Variants in NEU1 observed in about 807,000 individuals in gnomAD.
The protein encoded by NEU1 is sialidase-1.
A neutral mutation model predicts 38.3 loss-of-function variants in NEU1; 32 were observed. That is an observed-to-expected ratio of 0.84 (90% CI 0.63 to 1.12). NEU1 has a LOEUF of 1.12. Ranked by LOEUF, NEU1 falls within the 50% of genes most tolerant of loss-of-function variation. NEU1 has a pLI of 0.00. For synonymous variants in NEU1, 192 were observed against 225.2 expected, an observed-to-expected ratio of 0.85 and a Z score of 1.32; for missense variants, 431 against 549.2, an observed-to-expected ratio of 0.78 and a Z score of 2.15.
rs775689803 is a variant in NEU1, at chr6:31,860,240, C to T, written c.823G>A (p.Val275Ile). The T allele has an allele frequency of 1.1e-5, 18 of 1,612,910 alleles. No individual in the cohort carries two copies. The highest frequency in any genetic ancestry group is 1.5e-5 in the Non-Finnish European group (18 of 1,180,022). ...TTCTGGTTTCGGGCATTGATGACGA[C>T]TGAGCCATCTGGGAGCTCATAGGGC... ...CQPYELPDGS[V>I]VINARNQNNY... The change falls in exon 5 of 6, where the codon GTC becomes ATC. Residue 275 changes from valine to isoleucine, a missense_variant. Physicochemically the swap from Val to Ile is conservative, Grantham distance 29. Coordinates refer to ENST00000375631, the MANE Select transcript of NEU1 (RefSeq NM_000434.4). This position sits in a 1 kb window ranked among gnomAD's most constrained non-coding sequence, Gnocchi z 4.8.
intron 3 of NEU1, 134 bp downstream of exon 3, chr6:31,861,054 G>T: frequency 7.8e-7 from 1 of 1,275,548 alleles, no homozygotes; most frequent in Non-Finnish European, 1.1e-6. Context: ...AGGATGCCCT[G>T]TCTTTCAAGG....
In NEU1 at chr6:31,860,704, G is replaced by A; in HGVS notation, c.616-83C>T. ...ACAGAGAACCCACCACTTCCCAAATGCAATCACATGTATGGTCCCCTTGAG... is the reference window on the plus strand; with the variant it reads ...ACAGAGAACCCACCACTTCCCAAATACAATCACATGTATGGTCCCCTTGAG... On this transcript the variant is annotated intron_variant, in intron 3 of 5. Coordinates refer to ENST00000375631, the MANE Select transcript of NEU1 (RefSeq NM_000434.4). The surrounding 1 kb of genome is among the most constrained non-coding windows in gnomAD (Gnocchi z 4.8). 1 of 1,469,234 alleles carries A rather than the reference G, an allele frequency of 6.8e-7. No individual in the cohort carries two copies. The highest frequency in any genetic ancestry group is 9.5e-7 in the Non-Finnish European group (1 of 1,052,528). The allele number at this position is 1,469,234 out of a possible 1,614,324, so 91.0% of individuals were successfully genotyped here. A position where few individuals can be genotyped will look rare whatever the true frequency, so the allele number is the denominator to read the frequency against.
rs1762443531 is a variant in NEU1, at chr6:31,860,079, G to T, written c.984C>A (p.Gly328=). Residue 328 remains glycine (G), a synonymous_variant, in exon 5 of 6, where the codon GGC becomes GGA. Coordinates refer to ENST00000375631, the MANE Select transcript of NEU1 (RefSeq NM_000434.4). This position sits in a 1 kb window ranked among gnomAD's most constrained non-coding sequence, Gnocchi z 4.8. The stretch of plus-strand genomic sequence containing the variant: ...GTGCTGGGTTGGAGAAGAAGACAAT[G>T]CCGGAGCTGGTGACTACAGCTCCTG... ...VAAGAVVTSS[G]IVFFSNPAHP... is the part of the protein sequence containing the mutation. The T allele has an allele frequency of 6.2e-7, 1 of 1,612,902 alleles. No individual in the cohort carries two copies. Among genetic ancestry groups the T allele is most frequent in the African/African-American group, 1.3e-5 (1 of 74,920 alleles).
Position 31,862,136 on chromosome 6 carries a change from C to T in NEU1, c.215G>A (p.Gly72Asp). 6.2e-7 allele frequency: 1 copy of T among 1,613,102 alleles called. No individual in the cohort carries two copies. Among genetic ancestry groups the T allele is most frequent in the Non-Finnish European group, 8.5e-7 (1 of 1,180,050 alleles). The change falls in exon 2 of 6, where the codon GGC (glycine) becomes GAC (aspartate). Residue 72 changes from glycine to aspartate, a missense_variant. Transcript: ENST00000375631. This position sits in a 1 kb window ranked among gnomAD's most constrained non-coding sequence, Gnocchi z 6.3. The part of the protein sequence containing the change: ...QLLWVSGRQI[G>D]SVDTFRIPLI... ...CGGGATGCGGAAGGTGTCCACTGAG[C>T]CGATCTGTCTCCCGCTCACCCACAG...
rs1413401926 is a variant in NEU1 at position 31,862,593 on chromosome 6, T to C, written c.159+25A>G. ...GTCGATCACCTGCGCGGGTCGGGGA[T>C]GGGGCTATGCAAAGGGTGACTCACC... On this transcript the variant is annotated intron_variant, in intron 1 of 5. Coordinates refer to ENST00000375631, the MANE Select transcript of NEU1 (RefSeq NM_000434.4). This position sits in a 1 kb window ranked among gnomAD's most constrained non-coding sequence, Gnocchi z 6.3. 1 of 1,613,022 alleles carries C rather than the reference T, an allele frequency of 6.2e-7. No individual in the cohort carries two copies. Among genetic ancestry groups the C allele is most frequent in the East Asian group, 2.2e-5 (1 of 44,874 alleles).
At position 31,862,226 on chromosome 6, in the gene NEU1, A is replaced by T; in HGVS notation, c.160-35T>A. 1 of 1,607,924 alleles carries T rather than the reference A, an allele frequency of 6.2e-7. No individual in the cohort carries two copies. The highest frequency in any genetic ancestry group is 8.5e-7 in the Non-Finnish European group (1 of 1,177,012). The stretch of plus-strand genomic sequence containing the variant: ...GAGGAGGAAGGGTCAACAAAGACAA[A>T]CTTGTCTTGGGGGTTTTAGGAACCC... On this transcript the variant is annotated intron_variant, in intron 1 of 5. Transcript: ENST00000375631. This position sits in a 1 kb window ranked among gnomAD's most constrained non-coding sequence, Gnocchi z 6.3.
Position 31,859,920 on chromosome 6 carries a change from G to C in NEU1, c.1047C>G (p.Ser349Arg), listed in dbSNP as rs1215900276. 5.0e-6 allele frequency: 8 copies of C among 1,612,910 alleles called. No individual in the cohort carries two copies. Among genetic ancestry groups the C allele is most frequent in the African/African-American group, 1.3e-5 (1 of 74,922 alleles). Reference protein sequence around the residue: ...EFRVNLTLRWSFSNGTSWRKE... With the variant: ...EFRVNLTLRWRFSNGTSWRKE... ...TCCGCCATGAGGTACCATTGCTGAA[G>C]CTCCATCGCAGGGTCAGGTTCACTC... The change falls in exon 6 of 6, where the codon AGC becomes AGG. Residue 349 changes from serine to arginine, a missense_variant. Ser to Arg is a moderately radical substitution (Grantham distance 110). Transcript: ENST00000375631.
Position 31,859,577 on chromosome 6 carries a change from T to G in NEU1, c.*142A>C. ...GTCCTAAAGGAAGTGATTTCCCTGG[T>G]AAAGGGAAGGTGATTTTGCCAAGGC... On this transcript the variant is annotated 3_prime_UTR_variant, in exon 6 of 6. Transcript: ENST00000375631. The G allele has an allele frequency of 1.2e-6, 1 of 825,626 alleles. No homozygotes were observed. Among genetic ancestry groups the G allele is most frequent in the Non-Finnish European group, 2.0e-6 (1 of 496,788 alleles). The allele number at this position is 825,626 out of a possible 1,614,324, so 51.1% of individuals were successfully genotyped here.
chr6:31,861,930 C>T (rs1037751871), intron 2 of NEU1, 69 bp downstream of exon 2: 11 of 1,554,472 alleles, frequency 7.1e-6, no homozygotes, highest in Admixed American at 1.7e-5. Flanking sequence ...ATCCTCAGGG[C>T]CCTTGGGCTC....
rs1211533553 is a variant in NEU1 at position 31,862,502 on chromosome 6, G to T, written c.159+116C>A. On this transcript the variant is annotated intron_variant, in intron 1 of 5. Coordinates refer to ENST00000375631, the MANE Select transcript of NEU1 (RefSeq NM_000434.4). The surrounding 1 kb of genome is among the most constrained non-coding windows in gnomAD (Gnocchi z 6.3). ...GAGCGGTAGGAGGAAACGGGGTCTG[G>T]GAGAAAGAAAAGGGTCCTGTCGCGG... 1 of 1,449,600 alleles carries T rather than the reference G, an allele frequency of 6.9e-7. No individual in the cohort carries two copies. Among genetic ancestry groups the T allele is most frequent in the Non-Finnish European group, 9.6e-7 (1 of 1,039,942 alleles). The allele number at this position is 1,449,600 out of a possible 1,614,324, so 89.8% of individuals were successfully genotyped here.
At position 31,862,009 on chromosome 6, in the gene NEU1, G is replaced by A; in HGVS notation, c.342C>T (p.Ser114=). 1 of 1,613,072 alleles carries A rather than the reference G, an allele frequency of 6.2e-7. No homozygotes were observed. The highest frequency in any genetic ancestry group is 8.5e-7 in the Non-Finnish European group (1 of 1,180,032). The change falls in exon 2 of 6, where the codon TCC becomes TCT. Residue 114 remains serine, a synonymous_variant. Coordinates refer to ENST00000375631, the MANE Select transcript of NEU1 (RefSeq NM_000434.4). This position sits in a 1 kb window ranked among gnomAD's most constrained non-coding sequence, Gnocchi z 6.3. ...EGAKFIALRR[S]MDQGSTWSPT... is the part of the protein sequence containing the mutation. Reference sequence around the variant, plus strand: ...CAGACATCTTTATACCCTGGTCCATGGACCTCCGCAGGGCGATGAACTTGG... The same window carrying A: ...CAGACATCTTTATACCCTGGTCCATAGACCTCCGCAGGGCGATGAACTTGG...
Position 31,862,731 on chromosome 6 carries a change from C to G in NEU1, c.46G>C (p.Gly16Arg), listed in dbSNP as rs1762579180. 6.2e-7 allele frequency: 1 copy of G among 1,612,924 alleles called. No individual in the cohort carries two copies. The highest frequency in any genetic ancestry group is 1.1e-5 in the South Asian group (1 of 91,078). The change falls in exon 1 of 6, where the codon GGG (glycine) becomes CGG (arginine). Residue 16 changes from glycine (G) to arginine (R), a missense_variant. Coordinates refer to ENST00000375631, the MANE Select transcript of NEU1 (RefSeq NM_000434.4). The surrounding 1 kb of genome is among the most constrained non-coding windows in gnomAD (Gnocchi z 6.3). The part of the protein sequence containing the change: ...PSTALPDRRW[G>R]PRILGFWGGC... The stretch of plus-strand genomic sequence containing the variant: ...CCCCAGAAGCCCAGAATCCGCGGCC[C>G]CCAGCGTCTGTCCGGGAGCGCCGTG...
At chr6:31,859,968 G>T (rs903572669) in intron 5 of NEU1, 23 bp from the exon 6 acceptor site, 1 of 1,612,742 alleles carries the variant, frequency 6.2e-7, no homozygotes, top group Non-Finnish European at 8.5e-7. Flanking sequence ...GGAGAGTCAG[G>T]GAGAGAGGGT....
rs541184598 is a variant in NEU1 at position 31,861,955 on chromosome 6, C to A, written c.352+44G>T. ...CCCTTGGGCTCATTGGGCTGCCCAC[C>A]CATCCAACCTAGCACCGGCTCTTTC... On this transcript the variant is annotated intron_variant, in intron 2 of 5. Coordinates refer to ENST00000375631, the MANE Select transcript of NEU1 (RefSeq NM_000434.4). 60 of 1,607,014 alleles carry A rather than the reference C, an allele frequency of 3.7e-5. No homozygotes were observed. The East Asian group carries it at 6.5e-4, about 17-fold the overall frequency.
chr6:31,860,471 G>C lies in NEU1; in HGVS notation c.766C>G (p.Gln256Glu). 6.2e-7 allele frequency: 1 copy of C among 1,614,028 alleles called. No individual in the cohort carries two copies. The highest frequency in any genetic ancestry group is 8.5e-7 in the Non-Finnish European group (1 of 1,179,992). ...VSGIPYGQPK[Q>E]ENDFNPDECQ... Reference sequence around the variant, plus strand: ...TCATCAGGATTGAAATCATTTTCCTGCTTGGGCTGACCGTAGGGGATGCCG... The same window carrying C: ...TCATCAGGATTGAAATCATTTTCCTCCTTGGGCTGACCGTAGGGGATGCCG... Residue 256 changes from glutamine to glutamate, a missense_variant, in exon 4 of 6, where the codon CAG becomes GAG. By Grantham distance (29) the Gln-to-Glu change is conservative (BLOSUM62 2). Coordinates refer to ENST00000375631, the MANE Select transcript of NEU1 (RefSeq NM_000434.4). This position sits in a 1 kb window ranked among gnomAD's most constrained non-coding sequence, Gnocchi z 4.8.
rs368139131 is a variant in NEU1 at position 31,860,668 on chromosome 6, C to T, written c.616-47G>A. 1.1e-5 allele frequency: 18 copies of T among 1,607,350 alleles called. No individual in the cohort carries two copies. The highest frequency in any genetic ancestry group is 1.7e-5 in the Admixed American group (1 of 59,990). The stretch of plus-strand genomic sequence containing the variant: ...GTCACAGAAGGAGACTCTAGGGGCT[C>T]AGAGGCAGGGACAGAGAACCCACCA... On this transcript the variant is annotated intron_variant, in intron 3 of 5. Transcript: ENST00000375631. This position sits in a 1 kb window ranked among gnomAD's most constrained non-coding sequence, Gnocchi z 4.8.
At position 31,859,808 on chromosome 6, in the gene NEU1, G is replaced by A. The variant is rs1470997064; in HGVS notation, c.1159C>T (p.Pro387Ser). 3 of 1,613,056 alleles carry A rather than the reference G, an allele frequency of 1.9e-6. No homozygotes were observed. The South Asian group carries it at 3.3e-5, about 18-fold the overall frequency. Reference protein sequence around the residue: ...EGSMDGEEQAPQLYVLYEKGR... With the variant: ...EGSMDGEEQASQLYVLYEKGR... The stretch of plus-strand genomic sequence containing the variant: ...TTCTCATACAGGACGTAGAGCTGGG[G>A]GGCCTGCTCCTCTCCATCCATGCTG... Residue 387 changes from proline (P) to serine (S), a missense_variant, in exon 6 of 6, where the codon CCC (proline) becomes TCC (serine). Pro to Ser is a moderately conservative substitution (Grantham distance 74, BLOSUM62 -1). Transcript: ENST00000375631.
chr6:31,862,801 T>C lies in NEU1; in HGVS notation c.-25A>G, dbSNP rs973599227. On this transcript the variant is annotated 5_prime_UTR_variant, in exon 1 of 6. Coordinates refer to ENST00000375631, the MANE Select transcript of NEU1 (RefSeq NM_000434.4). The surrounding 1 kb of genome is among the most constrained non-coding windows in gnomAD (Gnocchi z 6.3). ...TCTCTCCCCGCAGCTGCCGCGACCCTGGCAGCTAGACTCCACAGAGTCGGG... is the reference window on the plus strand; with the variant it reads ...TCTCTCCCCGCAGCTGCCGCGACCCCGGCAGCTAGACTCCACAGAGTCGGG... 1.2e-6 allele frequency: 2 copies of C among 1,612,096 alleles called. No homozygotes were observed. Among genetic ancestry groups the C allele is most frequent in the Non-Finnish European group, 1.7e-6 (2 of 1,179,746 alleles).
Position 31,861,220 on chromosome 6 carries a change from C to T in NEU1, c.583G>A (p.Val195Met). The T allele has an allele frequency of 6.2e-7, 1 of 1,612,450 alleles. No individual in the cohort carries two copies. Among genetic ancestry groups the T allele is most frequent in the South Asian group, 1.1e-5 (1 of 91,058 alleles). Residue 195 changes from valine to methionine, a missense_variant, in exon 3 of 6, where the codon GTG (valine) becomes ATG (methionine). By Grantham distance (21) the Val-to-Met change is conservative. Transcript: ENST00000375631. Reference protein sequence around the residue: ...RNLSLDIGTEVFAPGPGSGIQ... With the variant: ...RNLSLDIGTEMFAPGPGSGIQ... ...CCAGAGCCCGGTCCAGGGGCAAACA[C>T]TTCAGTGCCAATATCCAGGGAGAGA...
Sources: gnomAD v4.1 joint callset for allele counts on GRCh38, gnomAD v4.1.1 for gene constraint, Gnocchi (gnomAD v3.1) non-coding constraint, MANE v1.5 for transcripts, NCBI Gene and HGNC (gene_info 2026-07-23, HGNC 2026-07-21) for gene names.